The following FAM221B variants were observed in gnomAD, a reference collection of about 807,000 sequenced individuals.
FAM221B encodes family with sequence similarity 221 member B, also known as protein FAM221B.
Under a neutral mutation model 39.8 loss-of-function variants are expected in FAM221B, and 35 were observed. The ratio of observed to expected loss-of-function variants is 0.88; its 90% CI spans 0.67 to 1.17. The LOEUF (loss-of-function observed/expected upper bound fraction) is 1.17. FAM221B is among the 50% of genes most tolerant of loss of function. FAM221B has a pLI of 0.00. For missense variants in FAM221B, 479 were observed against 503.1 expected, an observed-to-expected ratio of 0.95 and a Z score of 0.46; for synonymous variants, 158 against 178.1, an observed-to-expected ratio of 0.89 and a Z score of 0.90.
In FAM221B at chr9:35,825,220, A is replaced by G; in HGVS notation, c.742+10T>C. On this transcript the variant is annotated intron_variant, in intron 3 of 6. Transcript: ENST00000423537. The surrounding 1 kb of genome is among the most constrained non-coding windows in gnomAD (Gnocchi z 4.2). Reference sequence around the variant, plus strand: ...CTGTCACAGGCCTCTGAAAGGCCACATGGGCTCACCTGTCTGGATGGCATT... The same window carrying G: ...CTGTCACAGGCCTCTGAAAGGCCACGTGGGCTCACCTGTCTGGATGGCATT... 1 of 1,614,186 alleles carries G rather than the reference A, an allele frequency of 6.2e-7. No homozygotes were observed. The highest frequency in any genetic ancestry group is 1.7e-5 in the Admixed American group (1 of 60,026).
intron 3 of FAM221B, chr9:35,821,707 C>A: frequency 1.0e-6 from 1 of 971,926 alleles, no homozygotes; most frequent in Non-Finnish European, 1.5e-6. Flanking sequence ...GGGGGGCAGT[C>A]AAGTCCAAGC....
At chr9:35,824,864 G>A (rs1384894338) in intron 3 of FAM221B, among the ~76,000 whole-genome samples, 2 of 151,950 alleles carry the variant, frequency 1.3e-5, no homozygotes, top group Non-Finnish European at 1.5e-5. Context: ...TGTATTTTCA[G>A]TAGAGACGGG....
chr9:35,821,934 A>G (rs1829161007), intron 3 of FAM221B, among the ~76,000 whole-genome samples: 1 of 152,024 alleles, frequency 6.6e-6, no homozygotes, highest in Non-Finnish European at 1.5e-5. Flanking sequence ...GGGGGAGGAG[A>G]CATTATTTGG....
At position 35,825,167 on chromosome 9, in the gene FAM221B, T is replaced by C. The variant is rs574085708; in HGVS notation, c.742+63A>G. 1.1e-5 allele frequency: 17 copies of C among 1,587,828 alleles called. No homozygotes were observed. The South Asian group carries it at 1.4e-4, about 14-fold the overall frequency. On this transcript the variant is annotated intron_variant, in intron 3 of 6. Coordinates refer to ENST00000423537, the MANE Select transcript of FAM221B (RefSeq NM_001012446.4). This position sits in a 1 kb window ranked among gnomAD's most constrained non-coding sequence, Gnocchi z 4.2. ...TCTGCTGAATGTTCAGGTTCCCAGA[T>C]CTTTTGGATTAGAGGATGCCCATGG...
At chr9:35,818,601 C>A (rs1213370175) in intron 6 of FAM221B, 95 bp from the exon 7 acceptor site, 1 of 1,302,588 alleles carries the variant, frequency 7.7e-7, no homozygotes, top group Non-Finnish European at 1.1e-6. Flanking sequence ...CCCCGGGGGA[C>A]TAGGGTGGGA....
Position 35,825,875 on chromosome 9 carries a change from C to G in FAM221B, c.287G>C (p.Ser96Thr). 6.2e-7 allele frequency: 1 copy of G among 1,614,064 alleles called. No homozygotes were observed. Among genetic ancestry groups the G allele is most frequent in the Non-Finnish European group, 8.5e-7 (1 of 1,180,024 alleles). ...ETPTYEASLD[S>T]PISVVPEKHL... ...TTTCTCTGGCACCACTGAGATGGGA[C>G]TATCCAATGAAGCCTCATAGGTAGG... is the stretch of plus-strand genomic sequence containing the variant. The change falls in exon 2 of 7, where the codon AGT (serine) becomes ACT (threonine). Residue 96 changes from serine to threonine, a missense_variant. By Grantham distance (58) the Ser-to-Thr change is moderately conservative. Coordinates refer to ENST00000423537, the MANE Select transcript of FAM221B (RefSeq NM_001012446.4). The surrounding 1 kb of genome is among the most constrained non-coding windows in gnomAD (Gnocchi z 4.2).
chr9:35,818,383 C>G lies in FAM221B; in HGVS notation c.*86G>C. The G allele has an allele frequency of 7.8e-7, 1 of 1,276,046 alleles. No individual in the cohort carries two copies. Among genetic ancestry groups the G allele is most frequent in the Non-Finnish European group, 1.1e-6 (1 of 897,202 alleles). 79.0% of individuals were successfully genotyped at this position (1,276,046 alleles called of 1,614,324 possible). On this transcript the variant is annotated 3_prime_UTR_variant, in exon 7 of 7. Coordinates refer to ENST00000423537, the MANE Select transcript of FAM221B (RefSeq NM_001012446.4). The stretch of plus-strand genomic sequence containing the variant: ...TGTCAACTCTAAGTTATTAGGCAGT[C>G]TCTCCCTGGGCTGGGATCTACCTGC...
chr9:35,827,789 T>G (rs930944533), intron 1 of FAM221B, among the ~76,000 whole-genome samples: 1 of 152,194 alleles, frequency 6.6e-6, no homozygotes, highest in African/African-American at 2.4e-5. Context: ...AGACGCTAGA[T>G]ATATCACTCC....
chr9:35,820,341 G>A (rs894709891), intron 3 of FAM221B, among the ~76,000 whole-genome samples: 1 of 152,180 alleles, frequency 6.6e-6, no homozygotes, highest in African/African-American at 2.4e-5. Flanking sequence ...TGAGTTCTCT[G>A]TGACCACAGG....
Position 35,828,332 on chromosome 9 carries a change from A to AACAACAACAACAACAACAACAACT in FAM221B, c.-1+130_-1+131insAGTTGTTGTTGTTGTTGTTGTTGT, listed in dbSNP as rs1471355172. On this transcript the variant is annotated intron_variant, in intron 1 of 6. Coordinates refer to ENST00000423537, the MANE Select transcript of FAM221B (RefSeq NM_001012446.4). This position sits in a 1 kb window ranked among gnomAD's most constrained non-coding sequence, Gnocchi z 4.5. Reference sequence around the variant, plus strand: ...CAACAACAACAACAACAACAACAACAACTACTACTACTACTACTACTACTA... The same window carrying AACAACAACAACAACAACAACAACT: ...CAACAACAACAACAACAACAACAACAACAACAACAACAACAACAACAACTACTACTACTACTACTACTACTACTA... 9.2e-6 allele frequency: 1 copy of AACAACAACAACAACAACAACAACT among 108,946 alleles called. No individual in the cohort carries two copies. Among genetic ancestry groups the AACAACAACAACAACAACAACAACT allele is most frequent in the African/African-American group, 3.5e-5 (1 of 28,970 alleles). 6.7% of individuals were successfully genotyped at this position (108,946 alleles called of 1,614,324 possible).
Position 35,819,384 on chromosome 9 carries a change from C to T in FAM221B, c.864G>A (p.Val288=), listed in dbSNP as rs376751857. Reference sequence around the variant, plus strand: ...AGCGGCACTGGCTTACCTTGCAGGGCACCGATATGTCTGTGGGATTGGGGA... The same window carrying T: ...AGCGGCACTGGCTTACCTTGCAGGGTACCGATATGTCTGTGGGATTGGGGA... The part of the protein sequence containing the change: ...REHRIISDIS[V]PCKVSQCRCF... The change falls in exon 5 of 7, where the codon GTG becomes GTA. Residue 288 remains valine, a synonymous_variant. Coordinates refer to ENST00000423537, the MANE Select transcript of FAM221B (RefSeq NM_001012446.4). The T allele has an allele frequency of 2.6e-6, 4 of 1,551,446 alleles. No homozygotes were observed. In the African/African-American group the frequency reaches 5.5e-5, roughly 21 times the overall value.
Position 35,825,780 on chromosome 9 carries a change from G to T in FAM221B, c.382C>A (p.Leu128Ile). Residue 128 changes from leucine to isoleucine, a missense_variant, in exon 2 of 7, where the codon CTC becomes ATC. Transcript: ENST00000423537. The surrounding 1 kb of genome is among the most constrained non-coding windows in gnomAD (Gnocchi z 4.2). The stretch of plus-strand genomic sequence containing the variant: ...TCATTGGAAGAAGACTCAGAGGAGA[G>T]GTCTTCCTTCAGAGTATCAGAAGAA... ...LSSSDTLKED[L>I]SSESSSNEVP... 6.2e-7 allele frequency: 1 copy of T among 1,614,166 alleles called. No homozygotes were observed.
Position 35,818,391 on chromosome 9 carries a change from G to C in FAM221B, c.*78C>G, listed in dbSNP as rs1489610805. On this transcript the variant is annotated 3_prime_UTR_variant, in exon 7 of 7. Transcript: ENST00000423537. ...CTAAGTTATTAGGCAGTCTCTCCCT[G>C]GGCTGGGATCTACCTGCCCCATATA... 3.0e-6 allele frequency: 4 copies of C among 1,344,988 alleles called. No homozygotes were observed. In the African/African-American group the frequency reaches 5.8e-5, roughly 20 times the overall value. 83.3% of individuals were successfully genotyped at this position (1,344,988 alleles called of 1,614,324 possible).
intron 3 of FAM221B, chr9:35,821,325 A>T: frequency 1.4e-6 from 1 of 718,772 alleles, no homozygotes; most frequent in African/African-American, 1.8e-5. Flanking sequence ...GTATTCAGGC[A>T]TAACCCTGAG....
rs752531415 is a variant in FAM221B at position 35,825,243 on chromosome 9, A to G, written c.729T>C (p.Asn243=). 1 of 1,614,248 alleles carries G rather than the reference A, an allele frequency of 6.2e-7. No individual in the cohort carries two copies. The highest frequency in any genetic ancestry group is 1.7e-5 in the Admixed American group (1 of 60,032). ...ACATGGGCTCACCTGTCTGGATGGC[A>G]TTCAGGGCTGCATCCTTCTCCCACT... ...LFQWEKDAAL[N]AIQTGLYIGW... The change falls in exon 3 of 7, where the codon AAT becomes AAC. Residue 243 remains asparagine, a synonymous_variant. Transcript: ENST00000423537. The surrounding 1 kb of genome is among the most constrained non-coding windows in gnomAD (Gnocchi z 4.2).
At chr9:35,824,650 G>A (rs1829257767) in intron 3 of FAM221B, among the ~76,000 whole-genome samples, 1 of 151,694 alleles carries the variant, frequency 6.6e-6, no homozygotes, top group African/African-American at 2.4e-5. Flanking sequence ...GGTGGGCCAT[G>A]ACCCTTCTGT....
At chr9:35,819,099 T>C in intron 5 of FAM221B, 90 bp from the exon 6 acceptor site, 1 of 1,538,500 alleles carries the variant, frequency 6.5e-7, no homozygotes, top group Non-Finnish European at 8.8e-7. Flanking sequence ...AGTGACCGCA[T>C]GCCCAAGGCT....
chr9:35,827,361 A>G (rs35721248), intron 1 of FAM221B, among the ~76,000 whole-genome samples: 28,375 of 152,096 alleles, frequency 0.19, 2,899 homozygotes, highest in East Asian at 0.37. Context: ...CCATTCACCC[A>G]TTCTTTCATG....
rs953349326 is a variant in FAM221B, at chr9:35,828,042, C to T, written c.-1+421G>A. Among the ~76,000 whole-genome samples the T allele has an allele frequency of 6.6e-6, 1 of 152,098 alleles. No homozygotes were observed. The highest frequency in any genetic ancestry group is 2.4e-5 in the African/African-American group (1 of 41,394). ...GCATGGTGGCTCATGCCAGTAATCC[C>T]AGAATTTGGGAGGCCAAGGCGGGTG... On this transcript the variant is annotated intron_variant, in intron 1 of 6. Transcript: ENST00000423537. The surrounding 1 kb of genome is among the most constrained non-coding windows in gnomAD (Gnocchi z 4.5).
Sources: allele counts gnomAD v4.1 joint callset (sites outside exome capture counted in the v4.1 genomes callset), GRCh38; gene constraint gnomAD v4.1.1; non-coding constraint Gnocchi (gnomAD v3.1); transcripts MANE v1.5; gene names NCBI Gene and HGNC (gene_info 2026-07-23, HGNC 2026-07-21).